The following ANO4 variants were observed in gnomAD, a reference collection of about 807,000 sequenced individuals.
ANO4 encodes the protein anoctamin 4.
A neutral mutation model predicts 141.9 loss-of-function variants in ANO4; 69 were observed. The observed-to-expected ratio is 0.49, with a 90% CI of 0.40 to 0.59. The LOEUF (loss-of-function observed/expected upper bound fraction) is 0.59, where lower values mean the gene tolerates loss of function less well. Ranked by LOEUF, ANO4 falls within the 20% of genes least tolerant of loss-of-function variation. The pLI, the probability that ANO4 is intolerant of heterozygous loss-of-function variation, is 0.00. For missense variants in ANO4, 894 were observed against 1,162.2 expected (o/e 0.77, Z 3.36); for synonymous variants, 350 against 394.3 (o/e 0.89, Z 1.33).
chr12:100,872,432 T>G (rs2039081042), intron 1 of ANO4, among the ~76,000 whole-genome samples: 1 of 152,160 alleles, frequency 6.6e-6, no homozygotes, highest in South Asian at 2.1e-4. Context: ...ATATACCAAG[T>G]GTGGTCAGGA....
At chr12:100,783,720 CA>C (rs2033777640) in intron 3 of ANO4, among the ~76,000 whole-genome samples, 1 of 152,146 alleles carries the variant, frequency 6.6e-6, no homozygotes, top group African/African-American at 2.4e-5. Context: ...CAGGAATTTG[CA>C]GCTTTATCTG....
chr12:100,725,593 G>T (rs994587020), intron 1 of ANO4, among the ~76,000 whole-genome samples: 1 of 152,010 alleles, frequency 6.6e-6, no homozygotes, highest in Non-Finnish European at 1.5e-5. Flanking sequence ...TGATCCACCC[G>T]CCTCGGCCTC....
At chr12:100,805,229 T>C (rs1054011529) in intron 1 of ANO4, among the ~76,000 whole-genome samples, 2 of 152,168 alleles carry the variant, frequency 1.3e-5, no homozygotes, top group Non-Finnish European at 2.9e-5. Flanking sequence ...TGCTAGTGTT[T>C]GTCAGGTTTT....
At chr12:101,056,613 C>T (rs947393534) in intron 14 of ANO4, among the ~76,000 whole-genome samples, 3 of 151,956 alleles carry the variant, frequency 2.0e-5, no homozygotes, top group African/African-American at 7.3e-5. Flanking sequence ...TTAGGACCTC[C>T]AGAATAATGC....
At chr12:100,748,343 A>T (rs1018520539) in intron 3 of ANO4, among the ~76,000 whole-genome samples, 1 of 152,200 alleles carries the variant, frequency 6.6e-6, no homozygotes, top group African/African-American at 2.4e-5. Flanking sequence ...CACGAGATGC[A>T]GAGTAATTGG....
chr12:101,125,061 C>T (rs1459547783), intron 26 of ANO4, among the ~76,000 whole-genome samples: 1 of 152,154 alleles, frequency 6.6e-6, no homozygotes, highest in African/African-American at 2.4e-5. Flanking sequence ...TTACTTTGGG[C>T]AGATGGCCGT....
chr12:100,805,868 T>C (rs1392750738), intron 1 of ANO4, among the ~76,000 whole-genome samples: 1 of 151,964 alleles, frequency 6.6e-6, no homozygotes, highest in East Asian at 1.9e-4. Flanking sequence ...ACCTAAACAG[T>C]GGAATTGGAG....
At chr12:100,906,723 A>G (rs984816232) in intron 2 of ANO4, among the ~76,000 whole-genome samples, 15 of 152,162 alleles carry the variant, frequency 9.9e-5, no homozygotes, top group Non-Finnish European at 1.6e-4. Context: ...GTACAAAGAT[A>G]AAGGGTAGAA....
At chr12:100,984,844 A>G (rs1034692875) in intron 7 of ANO4, among the ~76,000 whole-genome samples, 2 of 152,110 alleles carry the variant, frequency 1.3e-5, no homozygotes, top group African/African-American at 2.4e-5. Context: ...CCACATTTCA[A>G]TTAAATTGTG....
At chr12:100,873,614 T>TAGA (rs1212170038) in intron 1 of ANO4, among the ~76,000 whole-genome samples, 5 of 152,210 alleles carry the variant, frequency 3.3e-5, no homozygotes, top group African/African-American at 1.2e-4. Flanking sequence ...TGGCTGCTTC[T>TAGA]AGCAGCCCAT....
intron 7 of ANO4, among the ~76,000 whole-genome samples, chr12:100,984,114 T>C (rs1434700076): frequency 6.6e-6 from 1 of 152,196 alleles, no homozygotes; most frequent in African/African-American, 2.4e-5. Context: ...TATTTATTTA[T>C]GACACGGAGT....
At chr12:101,120,323 C>A (rs753933139) in intron 25 of ANO4, among the ~76,000 whole-genome samples, 197 bp from the exon 26 acceptor site, 1 of 152,004 alleles carries the variant, frequency 6.6e-6, no homozygotes, top group African/African-American at 2.4e-5. Context: ...CCTAGTCAAC[C>A]CACACAGATG....
In ANO4 at chr12:100,848,919, A is replaced by G. The variant is rs145882037; in HGVS notation, c.-140-52727A>G. On this transcript the variant is annotated intron_variant, in intron 1 of 27. Transcript: ENST00000392977. ...ATCACACTGTATTGATTTGTCCTGC[A>G]CATAGTGGGAATAAATAGATAGTTA... Among the ~76,000 whole-genome samples, 212 of 152,220 alleles carry G rather than the reference A, an allele frequency of 1.4e-3. 2 individuals are homozygous for G. Among genetic ancestry groups the G allele is most frequent in the African/African-American group, 4.9e-3 (203 of 41,524 alleles).
rs532409896 is a variant in ANO4, at chr12:100,891,752, A to G, written c.-140-9894A>G. The stretch of plus-strand genomic sequence containing the variant: ...CATATGTTATATCACATACTTGTCA[A>G]TTTTTATGGTGAGAATGCTTAAAAT... On this transcript the variant is annotated intron_variant, in intron 1 of 27. Transcript: ENST00000392977. 7.2e-5 allele frequency among the ~76,000 whole-genome samples: 11 copies of G among 152,318 alleles called. 1 individual carries two copies. The highest frequency in any genetic ancestry group is 1.4e-4 in the African/African-American group (6 of 41,566).
intron 2 of ANO4, among the ~76,000 whole-genome samples, chr12:100,920,006 G>T (rs2041558483): frequency 6.6e-6 from 1 of 151,798 alleles, no homozygotes; most frequent in African/African-American, 2.4e-5. Context: ...TTATCTAGTA[G>T]TCATAGCTAC....
chr12:100,932,261 G>A (rs1192279637), intron 3 of ANO4, among the ~76,000 whole-genome samples: 1 of 151,916 alleles, frequency 6.6e-6, no homozygotes, highest in East Asian at 1.9e-4. Flanking sequence ...GCTGCATTTG[G>A]AAAATAGAGA....
intron 3 of ANO4, among the ~76,000 whole-genome samples, chr12:100,748,432 G>T (rs1330029421): frequency 6.6e-6 from 1 of 152,158 alleles, no homozygotes; most frequent in Non-Finnish European, 1.5e-5. Context: ...TGCACACCAT[G>T]TGCCCAGCCA....
chr12:100,936,381 C>G (rs1425252973), intron 3 of ANO4, among the ~76,000 whole-genome samples: 4 of 152,106 alleles, frequency 2.6e-5, no homozygotes, highest in Non-Finnish European at 5.9e-5. Flanking sequence ...TTCACTGTCC[C>G]CCTCTCCCCA....
At chr12:100,995,916 G>T (rs1311116266) in intron 8 of ANO4, among the ~76,000 whole-genome samples, 1 of 152,216 alleles carries the variant, frequency 6.6e-6, no homozygotes, top group Admixed American at 6.5e-5. Context: ...CAGAGCCAGG[G>T]CTCTGGAGCC....
Sources: gnomAD v4.1 joint callset for allele counts (sites outside exome capture counted in the v4.1 genomes callset) on GRCh38, gnomAD v4.1.1 for gene constraint, MANE v1.5 for transcripts, NCBI Gene and HGNC (gene_info 2026-07-23, HGNC 2026-07-21) for gene names.